Variants in RPS6KC1 observed in about 807,000 individuals in gnomAD.
The protein encoded by RPS6KC1 is ribosomal protein S6 kinase C1.
RPS6KC1 carries 54 observed loss-of-function variants against 103.8 expected under a neutral mutation model. That is an observed-to-expected ratio of 0.52 (90% confidence interval 0.42 to 0.65). RPS6KC1 has a LOEUF of 0.65. RPS6KC1 is among the 30% of genes least tolerant of loss of function. The probability of loss-of-function intolerance (pLI) is 0.00; values close to 1 mark genes in which losing one functional copy is unlikely to be tolerated. For synonymous variants in RPS6KC1, 439 were observed against 438.7 expected, an observed-to-expected ratio of 1.00 and a Z score of -0.01; for missense variants, 1,151 against 1,253.8, an observed-to-expected ratio of 0.92 and a Z score of 1.24.
intron 6 of RPS6KC1, among the ~76,000 whole-genome samples, chr1:213,131,073 T>C (rs1473690243): frequency 6.6e-6 from 1 of 152,196 alleles, no homozygotes; most frequent in African/African-American, 2.4e-5. Flanking sequence ...GCTAAAGAAA[T>C]GTGTTCAGTT....
At chr1:213,552,272 C>A in the RPS6KC1 span, among the ~76,000 whole-genome samples, 2 of 152,152 alleles carry the variant, frequency 1.3e-5, no homozygotes, top group Non-Finnish European at 2.9e-5. Flanking sequence ...TCTAAGAAAA[C>A]AAACAAACAA....
the RPS6KC1 span, among the ~76,000 whole-genome samples, chr1:213,471,850 G>C: frequency 6.6e-6 from 1 of 151,682 alleles, no homozygotes. Context: ...AACTTATGGA[G>C]ATGGTGAGGA....
At chr1:213,521,793 T>A in the RPS6KC1 span, among the ~76,000 whole-genome samples, 3 of 152,222 alleles carry the variant, frequency 2.0e-5, no homozygotes, top group African/African-American at 7.2e-5. Flanking sequence ...TCATAAAATT[T>A]TAGCAATTCA....
the RPS6KC1 span, among the ~76,000 whole-genome samples, chr1:213,328,504 C>A: frequency 0.053 from 5,366 of 101,048 alleles, 501 homozygotes; most frequent in African/African-American, 0.16. Flanking sequence ...AGCCATTATA[C>A]TATATATATA....
the RPS6KC1 span, chr1:213,817,824 G>A: frequency 3.3e-5 from 5 of 151,568 alleles, no homozygotes; most frequent in Admixed American, 6.6e-5. Context: ...TTGAAGGTAT[G>A]TGTAACCCTG....
the RPS6KC1 span, among the ~76,000 whole-genome samples, chr1:213,593,007 A>G: frequency 5.3e-5 from 8 of 152,212 alleles, no homozygotes; most frequent in Non-Finnish European, 1.2e-4. Flanking sequence ...GAGGCCTCAC[A>G]TATGATAAGA....
At chr1:213,381,231 A>C in the RPS6KC1 span, among the ~76,000 whole-genome samples, 1 of 152,036 alleles carries the variant, frequency 6.6e-6, no homozygotes, top group Non-Finnish European at 1.5e-5. Flanking sequence ...TGTGTGGAGG[A>C]GTGGGAGAGC....
intron 6 of RPS6KC1, among the ~76,000 whole-genome samples, chr1:213,133,436 A>G (rs147542378): frequency 1.8e-3 from 268 of 152,270 alleles, no homozygotes; most frequent in African/African-American, 6.3e-3. Flanking sequence ...CTTCAAAGGA[A>G]CCCTATAAGT....
At chr1:213,759,512 G>A in the RPS6KC1 span, among the ~76,000 whole-genome samples, 6 of 152,256 alleles carry the variant, frequency 3.9e-5, no homozygotes, top group South Asian at 2.1e-4. Flanking sequence ...GCATGGCCAC[G>A]TGCCATTATT....
At chr1:213,627,503 T>A in the RPS6KC1 span, among the ~76,000 whole-genome samples, 1 of 152,060 alleles carries the variant, frequency 6.6e-6, no homozygotes, top group Admixed American at 6.5e-5. Context: ...CTTGTGCCAG[T>A]TTTCAAAGGG....
chr1:213,184,438 T>C (rs1003739899), intron 8 of RPS6KC1, among the ~76,000 whole-genome samples: 3 of 152,022 alleles, frequency 2.0e-5, no homozygotes, highest in African/African-American at 7.2e-5. Context: ...TTCATATTTA[T>C]CTTTTCAAGA....
intron 6 of RPS6KC1, among the ~76,000 whole-genome samples, chr1:213,151,531 T>G (rs1394900059): frequency 2.5e-5 from 2 of 80,802 alleles, no homozygotes; most frequent in African/African-American, 1.2e-4. Flanking sequence ...GGCTCCTCGC[T>G]TCCCAGTAGG....
At chr1:213,448,970 A>G in the RPS6KC1 span, among the ~76,000 whole-genome samples, 14 of 152,118 alleles carry the variant, frequency 9.2e-5, no homozygotes, top group African/African-American at 3.1e-4. Context: ...TCAACTCGGG[A>G]AGTCTTGGTG....
At chr1:213,254,829 G>A (rs1379609440) in intron 12 of RPS6KC1, among the ~76,000 whole-genome samples, 1 of 152,150 alleles carries the variant, frequency 6.6e-6, no homozygotes, top group African/African-American at 2.4e-5. Context: ...CTTAATGCCT[G>A]TAGTGTGCCA....
chr1:213,057,180 A>G (rs2077400899), intron 1 of RPS6KC1, among the ~76,000 whole-genome samples: 5 of 151,998 alleles, frequency 3.3e-5, no homozygotes, highest in Admixed American at 3.3e-4. Flanking sequence ...AGCTCAAGTG[A>G]TCCACCCATC....
At chr1:213,551,673 G>A in the RPS6KC1 span, among the ~76,000 whole-genome samples, 2,244 of 152,308 alleles carry the variant, frequency 0.015, 26 homozygotes, top group South Asian at 0.032. Flanking sequence ...TAAGTGGTAC[G>A]TTTCTTACAC....
the RPS6KC1 span, among the ~76,000 whole-genome samples, chr1:213,762,256 C>T: frequency 6.6e-6 from 1 of 152,178 alleles, no homozygotes; most frequent in African/African-American, 2.4e-5. Context: ...ACAGATCAAG[C>T]CTTCCTGACA....
At chr1:213,510,154 C>A in the RPS6KC1 span, among the ~76,000 whole-genome samples, 1 of 152,140 alleles carries the variant, frequency 6.6e-6, no homozygotes, top group East Asian at 1.9e-4. Context: ...TGCACAGCAG[C>A]CAAAGTAGGG....
At chr1:213,097,137 C>T (rs2081533956) in intron 3 of RPS6KC1, among the ~76,000 whole-genome samples, 1 of 152,002 alleles carries the variant, frequency 6.6e-6, no homozygotes, top group Admixed American at 6.5e-5. Context: ...GGGTGGATCA[C>T]GAGGTCAGGA....
Sources: allele counts gnomAD v4.1 joint callset (sites outside exome capture counted in the v4.1 genomes callset), GRCh38; gene constraint gnomAD v4.1.1; transcripts MANE v1.5; gene names NCBI Gene and HGNC (gene_info 2026-07-23, HGNC 2026-07-21).